PCDHGB4: variants seen among roughly 807,000 people sequenced by gnomAD.
PCDHGB4 encodes protocadherin gamma-B4.
PCDHGB4 carries 38 observed loss-of-function variants against 60.5 expected under a neutral mutation model. That is an observed-to-expected ratio of 0.63 (90% CI 0.48 to 0.82). PCDHGB4 has a LOEUF of 0.82. Among genes scored for constraint, PCDHGB4 ranks in the 40% least tolerant of loss-of-function variants. The pLI is 0.00. For synonymous variants in PCDHGB4, 456 were observed against 509.7 expected (o/e 0.89, Z 1.42); for missense variants, 1,109 against 1,209.6 (o/e 0.92, Z 1.23).
intron 2 of PCDHGB4, among the ~76,000 whole-genome samples, chr5:141,497,132 G>T (rs2099774325): frequency 6.6e-6 from 1 of 152,046 alleles, no homozygotes; most frequent in Non-Finnish European, 1.5e-5. Context: ...GTTGCAGTGA[G>T]CTGAGATCAC....
intron 1 of PCDHGB4, chr5:141,418,567 T>C: frequency 6.2e-7 from 1 of 1,614,014 alleles, no homozygotes; most frequent in Non-Finnish European, 8.5e-7. Flanking sequence ...TAGATGCCAA[T>C]GACAACCCCC....
intron 3 of PCDHGB4, among the ~76,000 whole-genome samples, chr5:141,507,809 C>T (rs866898784): frequency 2.0e-5 from 3 of 152,206 alleles, no homozygotes; most frequent in Non-Finnish European, 2.9e-5. Flanking sequence ...CCCTGGGGAA[C>T]GGACCCTGGG....
chr5:141,400,319 C>G (rs762588918), intron 1 of PCDHGB4: 1 of 1,613,974 alleles, frequency 6.2e-7, no homozygotes, highest in African/African-American at 1.3e-5. Context: ...TGTGTCAAGT[C>G]TGGACCTGTG....
intron 1 of PCDHGB4, among the ~76,000 whole-genome samples, chr5:141,453,047 G>A (rs930795400): frequency 1.3e-5 from 2 of 152,172 alleles, no homozygotes; most frequent in African/African-American, 4.8e-5. Context: ...TTTCTATTAT[G>A]TGCAGTTTTA....
intron 1 of PCDHGB4, chr5:141,399,438 T>C (rs2093809569): frequency 1.2e-6 from 2 of 1,613,996 alleles, no homozygotes; most frequent in Admixed American, 1.7e-5. Flanking sequence ...TCATCCTACA[T>C]ATCAGAGACG....
intron 1 of PCDHGB4, among the ~76,000 whole-genome samples, chr5:141,459,376 G>A (rs72790056): frequency 0.022 from 3,347 of 152,266 alleles, 53 homozygotes; most frequent in South Asian, 0.04. Flanking sequence ...TATCAGCAGC[G>A]TGTTCCATTT....
intron 1 of PCDHGB4, among the ~76,000 whole-genome samples, chr5:141,425,048 T>C (rs1590618422): frequency 6.6e-6 from 1 of 152,350 alleles, no homozygotes; most frequent in African/African-American, 2.4e-5. Flanking sequence ...AAACTGACTA[T>C]CTAGGGCTCG....
At chr5:141,413,462 G>A (rs750915907) in intron 1 of PCDHGB4, 4 of 1,614,120 alleles carry the variant, frequency 2.5e-6, no homozygotes, top group East Asian at 2.2e-5. Flanking sequence ...AGGATAGACC[G>A]GGAGGAGCTC....
At chr5:141,440,605 C>G (rs1214459401) in intron 1 of PCDHGB4, 1 of 152,228 alleles carries the variant, frequency 6.6e-6, no homozygotes, top group East Asian at 1.9e-4. Context: ...TGCAACAGAA[C>G]CTGCAGAAGA....
intron 1 of PCDHGB4, chr5:141,441,037 A>G (rs1318122240): frequency 6.6e-6 from 1 of 152,194 alleles, no homozygotes; most frequent in Admixed American, 6.5e-5. Context: ...GAAAACTTTA[A>G]GTACATTGGA....
rs766638463 is a variant in PCDHGB4 at position 141,476,525 on chromosome 5, A to G, written c.2398-18282A>G. ...CAACGACAACAATCCTGCTTTCCCT[A>G]CCCAGGAAATGAAATTGGAGATTAG... On this transcript the variant is annotated intron_variant, in intron 1 of 3. Transcript: ENST00000519479. This position sits in a 1 kb window ranked among gnomAD's most constrained non-coding sequence, Gnocchi z 7.6. 6 of 1,613,950 alleles carry G rather than the reference A, an allele frequency of 3.7e-6. No homozygotes were observed. The African/African-American group carries it at 6.7e-5, about 18-fold the overall frequency.
intron 1 of PCDHGB4, chr5:141,394,304 G>T (rs1317596371): frequency 1.2e-6 from 2 of 1,613,932 alleles, no homozygotes; most frequent in Admixed American, 1.7e-5. Flanking sequence ...ACACGCTGCA[G>T]GGGGCGCCCC....
chr5:141,437,385 C>T (rs543945898), intron 1 of PCDHGB4, among the ~76,000 whole-genome samples: 12 of 152,202 alleles, frequency 7.9e-5, no homozygotes, highest in Non-Finnish European at 1.6e-4. Flanking sequence ...AGAAGACATT[C>T]ATCCACTGCT....
chr5:141,435,952 G>A lies in PCDHGB4; in HGVS notation c.2397+45671G>A, dbSNP rs944960593. ...TTGCTGCTTCTGAGACCAAAAAAGG[G>A]GGCAAAATATAGAGTGTGTGGTTCT... is the stretch of plus-strand genomic sequence containing the variant. On this transcript the variant is annotated intron_variant, in intron 1 of 3. Transcript: ENST00000519479. Among the ~76,000 whole-genome samples the A allele has an allele frequency of 2.6e-5, 4 of 152,098 alleles. No individual in the cohort carries two copies. The South Asian group carries it at 8.3e-4, about 32-fold the overall frequency.
At chr5:141,395,547 TGTGTGTG>T (rs1561655273) in intron 1 of PCDHGB4, 9,050 of 174,290 alleles carry the variant, frequency 0.052, 489 homozygotes, top group Middle Eastern at 0.08. Context: ...ATTGTTTGTG[TGTGTGTG>T]TGTGTGTGTG....
At position 141,487,603 on chromosome 5, in the gene PCDHGB4, C is replaced by T; in HGVS notation, c.2398-7204C>T. The stretch of plus-strand genomic sequence containing the variant: ...CAAGCTGCCCACCCTCTGATCTTCT[C>T]TATGGGCTAGAGGTGAGACCTTTGC... On this transcript the variant is annotated intron_variant, in intron 1 of 3. Transcript: ENST00000519479. This position sits in a 1 kb window ranked among gnomAD's most constrained non-coding sequence, Gnocchi z 5.0. 1.2e-6 allele frequency: 2 copies of T among 1,614,214 alleles called. No individual in the cohort carries two copies. Among genetic ancestry groups the T allele is most frequent in the Non-Finnish European group, 1.7e-6 (2 of 1,180,042 alleles).
rs2099710219 is a variant in PCDHGB4, at chr5:141,491,289, C to A, written c.2398-3518C>A. On this transcript the variant is annotated intron_variant, in intron 1 of 3. Transcript: ENST00000519479. The surrounding 1 kb of genome is among the most constrained non-coding windows in gnomAD (Gnocchi z 6.9). The stretch of plus-strand genomic sequence containing the variant: ...CCAAATCCAGTGACTTCCTCATACA[C>A]CCTCCTGAGCGTTCAGACCTTACCC... 1 of 1,614,112 alleles carries A rather than the reference C, an allele frequency of 6.2e-7. No homozygotes were observed. Among genetic ancestry groups the A allele is most frequent in the Non-Finnish European group, 8.5e-7 (1 of 1,179,942 alleles).
In PCDHGB4 at chr5:141,511,308, G is replaced by A. The variant is rs76613492; in HGVS notation, c.*135G>A. ...AGGGGCCAAGGCCATGCTCCCCTTG[G>A]GAAACAGAAACAAGTGCCCAGTCAG... is the stretch of plus-strand genomic sequence containing the variant. On this transcript the variant is annotated 3_prime_UTR_variant, in exon 4 of 4. Coordinates refer to ENST00000519479, the MANE Select transcript of PCDHGB4 (RefSeq NM_003736.4). 1.1e-3 allele frequency: 1,589 copies of A among 1,487,716 alleles called. 16 individuals carry two copies. In the African/African-American group the frequency reaches 0.021, roughly 19 times the overall value. The allele number at this position is 1,487,716 out of a possible 1,614,324, so 92.2% of individuals were successfully genotyped here.
At chr5:141,488,660 G>A (rs1274725688) in intron 1 of PCDHGB4, among the ~76,000 whole-genome samples, 1 of 152,148 alleles carries the variant, frequency 6.6e-6, no homozygotes, top group East Asian at 1.9e-4. Flanking sequence ...GGGAGGGTGG[G>A]GGAATACATG....
Sources: gnomAD v4.1 joint callset for allele counts (sites outside exome capture counted in the v4.1 genomes callset) on GRCh38, gnomAD v4.1.1 for gene constraint, Gnocchi (gnomAD v3.1) non-coding constraint, MANE v1.5 for transcripts, NCBI Gene and HGNC (gene_info 2026-07-23, HGNC 2026-07-21) for gene names.